RIMS1: variants seen among roughly 807,000 people sequenced by gnomAD.
The protein encoded by RIMS1 is regulating synaptic membrane exocytosis protein 1.
In RIMS1, 83 loss-of-function variants were observed where a neutral mutation model predicts 214.1. The ratio of observed to expected loss-of-function variants is 0.39; its 90% CI spans 0.32 to 0.47. The LOEUF (loss-of-function observed/expected upper bound fraction) is 0.47. Ranked by LOEUF, RIMS1 falls within the 20% of genes least tolerant of loss-of-function variation. RIMS1 has a pLI of 0.99. For synonymous variants in RIMS1, 793 were observed against 786.8 expected (o/e 1.01, Z -0.13); for missense variants, 2,050 against 2,161.8 (o/e 0.95, Z 1.03).
At chr6:72,202,303 G>A (rs1396714376) in intron 6 of RIMS1, among the ~76,000 whole-genome samples, 1 of 152,224 alleles carries the variant, frequency 6.6e-6, no homozygotes, top group African/African-American at 2.4e-5. Flanking sequence ...TGAGATCAGG[G>A]TGTTGGCAGG....
At chr6:72,236,542 GGAT>G (rs1451390130) in intron 8 of RIMS1, among the ~76,000 whole-genome samples, 15 of 152,082 alleles carry the variant, frequency 9.9e-5, no homozygotes, top group Non-Finnish European at 1.5e-4. Flanking sequence ...ACATGAATTT[GGAT>G]GATAAAGAAA....
chr6:72,262,121 A>G (rs1197013474), intron 19 of RIMS1: 15 of 984,634 alleles, frequency 1.5e-5, no homozygotes, highest in Non-Finnish European at 1.8e-5. Flanking sequence ...CCTGGCACTC[A>G]GTGTGTGAAT....
rs2098833446 is a variant in RIMS1 at position 72,401,231 on chromosome 6, T to C, written c.*517T>C. 6.5e-6 allele frequency: 1 copy of C among 153,920 alleles called. No individual in the cohort carries two copies. The highest frequency in any genetic ancestry group is 6.4e-5 in the Admixed American group (1 of 15,514). 9.5% of individuals were successfully genotyped at this position (153,920 alleles called of 1,614,324 possible). ...TCTGTTATTTCCACTAGTTTTTTTTTGGCTGTGTCATGACAGGCCTCATGA... is the reference window on the plus strand; with the variant it reads ...TCTGTTATTTCCACTAGTTTTTTTTCGGCTGTGTCATGACAGGCCTCATGA... On this transcript the variant is annotated 3_prime_UTR_variant, in exon 34 of 34. Transcript: ENST00000521978.
intron 29 of RIMS1, among the ~76,000 whole-genome samples, chr6:72,361,096 CTTTTTTTTT>C (rs70994124): frequency 3.7e-5 from 2 of 54,434 alleles, no homozygotes; most frequent in South Asian, 7.2e-4. Flanking sequence ...GTCTTTCTTT[CTTTTTTTTT>C]TTTTTTTTTT....
intron 1 of RIMS1, among the ~76,000 whole-genome samples, chr6:71,919,535 C>A (rs1779403182): frequency 6.6e-6 from 1 of 152,038 alleles, no homozygotes; most frequent in South Asian, 2.1e-4. Flanking sequence ...AAATTTAAGA[C>A]TGGCACTTGG....
intron 6 of RIMS1, chr6:72,213,002 T>G (rs1309954256): frequency 1.4e-6 from 2 of 1,475,942 alleles, no homozygotes; most frequent in Non-Finnish European, 1.8e-6. Flanking sequence ...TTCAATGATA[T>G]AAGCAGAGTG....
intron 29 of RIMS1, among the ~76,000 whole-genome samples, chr6:72,335,532 T>C (rs1696343120): frequency 6.6e-6 from 1 of 152,072 alleles, no homozygotes; most frequent in Non-Finnish European, 1.5e-5. Flanking sequence ...GGAATAAACA[T>C]ACATGTGCAT....
intron 26 of RIMS1, among the ~76,000 whole-genome samples, chr6:72,304,361 A>T (rs2094937592): frequency 6.6e-6 from 1 of 151,744 alleles, no homozygotes; most frequent in Non-Finnish European, 1.5e-5. Flanking sequence ...AAGATATTTG[A>T]GCTGTCTGAG....
At chr6:71,920,850 G>T (rs1461265895) in intron 1 of RIMS1, among the ~76,000 whole-genome samples, 1 of 152,138 alleles carries the variant, frequency 6.6e-6, no homozygotes, top group African/African-American at 2.4e-5. Flanking sequence ...GAAAGAGAAA[G>T]GTACCCACTG....
intron 29 of RIMS1, among the ~76,000 whole-genome samples, chr6:72,343,647 A>T (rs533842069): frequency 0.014 from 2,151 of 149,034 alleles, 42 homozygotes; most frequent in African/African-American, 0.051. Context: ...ATGGCTTTTT[A>T]TTTTTTTTGC....
At chr6:72,231,790 A>G (rs189076026) in intron 6 of RIMS1, among the ~76,000 whole-genome samples, 2 of 151,794 alleles carry the variant, frequency 1.3e-5, no homozygotes, top group Admixed American at 1.3e-4. Flanking sequence ...TTTGCCTATA[A>G]GAACAGTTTT....
At chr6:71,924,958 G>T (rs1317328279) in intron 1 of RIMS1, among the ~76,000 whole-genome samples, 1 of 152,106 alleles carries the variant, frequency 6.6e-6, no homozygotes, top group Non-Finnish European at 1.5e-5. Flanking sequence ...CAGAGTCTGG[G>T]TTCCTCAGTG....
Position 72,290,753 on chromosome 6 carries a change from A to G in RIMS1, c.3629A>G (p.Lys1210Arg). Residue 1210 changes from lysine (K) to arginine (R), a missense_variant, in exon 25 of 34, where the codon AAA (lysine) becomes AGA (arginine). Lys to Arg is a conservative substitution (Grantham distance 26). Transcript: ENST00000521978. ...ACTGATCAGCCAGTCATTAGGGGAA[A>G]ACATCCTGCTCGCTCAAGGTCGAGT... Reference protein sequence around the residue: ...RATDQPVIRGKHPARSRSSEH... With the variant: ...RATDQPVIRGRHPARSRSSEH... 6.2e-7 allele frequency: 1 copy of G among 1,613,796 alleles called. No individual in the cohort carries two copies. Among genetic ancestry groups the G allele is most frequent in the South Asian group, 1.1e-5 (1 of 91,082 alleles).
intron 4 of RIMS1, among the ~76,000 whole-genome samples, chr6:72,151,077 C>G (rs1393071107): frequency 6.6e-6 from 1 of 151,996 alleles, no homozygotes; most frequent in African/African-American, 2.4e-5. Context: ...GAGTCTCGCT[C>G]TGTCACCCAG....
chr6:72,307,407 T>C lies in RIMS1; in HGVS notation c.3963+37T>C. The C allele has an allele frequency of 3.1e-6, 4 of 1,307,518 alleles. No individual in the cohort carries two copies. In the South Asian group the frequency reaches 5.2e-5, roughly 17 times the overall value. The allele number at this position is 1,307,518 out of a possible 1,614,324, so 81.0% of individuals were successfully genotyped here. ...AGTATCCAACAAATAGTTTCCCTTT[T>C]AAAAATGTGTAGTGTGTGTACCAGG... On this transcript the variant is annotated intron_variant, in intron 27 of 33. Transcript: ENST00000521978.
intron 27 of RIMS1, 90 bp downstream of exon 27, chr6:72,307,460 A>G: frequency 1.2e-6 from 1 of 825,650 alleles, no homozygotes; most frequent in South Asian, 2.1e-5. Flanking sequence ...GAATTATATA[A>G]GAGAAGTTAT....
At chr6:72,003,049 C>T (rs1293617639) in intron 2 of RIMS1, among the ~76,000 whole-genome samples, 4 of 152,164 alleles carry the variant, frequency 2.6e-5, no homozygotes, top group Non-Finnish European at 5.9e-5. Context: ...AGTCAGCTTA[C>T]AGGGTGGCCA....
chr6:71,962,417 A>T (rs898159562), intron 1 of RIMS1, among the ~76,000 whole-genome samples: 5 of 152,128 alleles, frequency 3.3e-5, no homozygotes, highest in Admixed American at 6.6e-5. Context: ...ATAACTAGGA[A>T]CCTACTGCAC....
intron 6 of RIMS1, among the ~76,000 whole-genome samples, chr6:72,187,524 C>T (rs1410083275): frequency 7.5e-6 from 1 of 133,066 alleles, no homozygotes; most frequent in Non-Finnish European, 1.5e-5. Context: ...TGTCACCAGG[C>T]GGAGTACAGT....
Sources: gnomAD v4.1 joint callset for allele counts (sites outside exome capture counted in the v4.1 genomes callset) on GRCh38, gnomAD v4.1.1 for gene constraint, MANE v1.5 for transcripts, NCBI Gene and HGNC (gene_info 2026-07-23, HGNC 2026-07-21) for gene names.